IFT122: variants seen among roughly 807,000 people sequenced by gnomAD.
IFT122 encodes intraflagellar transport 122, also known as intraflagellar transport protein 122 homolog.
IFT122 carries 118 observed loss-of-function variants against 161.6 expected under a neutral mutation model. The ratio of observed to expected loss-of-function variants is 0.73; its 90% CI spans 0.63 to 0.85. The LOEUF (loss-of-function observed/expected upper bound fraction) is 0.85. IFT122 is among the 40% of genes least tolerant of loss of function. IFT122 has a pLI of 0.00. For missense variants in IFT122, 1,381 were observed against 1,579.6 expected (o/e 0.87, Z 2.13); for synonymous variants, 550 against 602.4 (o/e 0.91, Z 1.27).
chr3:129,517,416 C>T, intron 26 of IFT122, 53 bp from the exon 27 acceptor site: 6 of 1,607,672 alleles, frequency 3.7e-6, no homozygotes, highest in East Asian at 4.5e-5. Context: ...TGCCTGGCGG[C>T]AAGTCCTTTG....
Position 129,466,930 on chromosome 3 carries a change from G to C in IFT122, c.604G>C (p.Ala202Pro). ...SFWMNRENED[A>P]EDVIVNRYIQ... ...CTGGATGAACAGAGAGAATGAGGAT[G>C]CCGAGGATGTCATTGTCAACAGATA... The change falls in exon 8 of 30, where the codon GCC becomes CCC. Residue 202 changes from alanine (A) to proline (P), a missense_variant. Around this residue, in one of 7 missense-constraint regions of IFT122, gnomAD observed 544 missense variants for 648.0 expected, o/e 0.84. Transcript: ENST00000348417. 1 of 1,614,210 alleles carries C rather than the reference G, an allele frequency of 6.2e-7. No homozygotes were observed. The highest frequency in any genetic ancestry group is 8.5e-7 in the Non-Finnish European group (1 of 1,180,006).
intron 26 of IFT122, among the ~76,000 whole-genome samples, chr3:129,516,703 CACACACACACACACACACACACAG>C (rs2083785510): frequency 9.6e-6 from 1 of 103,926 alleles, no homozygotes; most frequent in Admixed American, 9.6e-5. Flanking sequence ...TGCACACACA[CACACACACACACACACACACACAG>C]AGAGACTGCC....
Position 129,476,405 on chromosome 3 carries a change from C to CA in IFT122, c.909dup (p.Val304SerfsTer65). The CA allele has an allele frequency of 6.2e-7, 1 of 1,614,110 alleles. No homozygotes were observed. The highest frequency in any genetic ancestry group is 1.1e-5 in the South Asian group (1 of 91,080). ...CATTTTGCTGGGGGGTTCAGACAAG[C>CA]AAGTATCTCTTTTCACCAAGGATGG... On this transcript the variant is annotated frameshift_variant, in exon 10 of 30. Coordinates refer to ENST00000348417, the MANE Select transcript of IFT122 (RefSeq NM_052989.3). LOFTEE classifies it high-confidence loss of function.
intron 16 of IFT122, 110 bp from the exon 17 acceptor site, chr3:129,492,031 C>T (rs2080176903): frequency 2.4e-6 from 2 of 833,714 alleles, no homozygotes; most frequent in Admixed American, 3.4e-5. Flanking sequence ...CTCCCTTCCT[C>T]TCCTCTGTGG....
intron 5 of IFT122, among the ~76,000 whole-genome samples, chr3:129,462,238 A>G (rs1195689830): frequency 6.6e-6 from 1 of 152,252 alleles, no homozygotes; most frequent in Non-Finnish European, 1.5e-5. Flanking sequence ...GGAATATTAA[A>G]AAGGCAAAAT....
intron 1 of IFT122, among the ~76,000 whole-genome samples, chr3:129,443,599 C>T (rs1045910080): frequency 3.9e-5 from 6 of 152,208 alleles, no homozygotes; most frequent in Admixed American, 6.5e-5. Flanking sequence ...ATGTCTAGGA[C>T]AGTGCCATGC....
chr3:129,440,567 A>C (rs2072864727), intron 1 of IFT122, among the ~76,000 whole-genome samples, 196 bp downstream of exon 1: 1 of 152,140 alleles, frequency 6.6e-6, no homozygotes, highest in African/African-American at 2.4e-5. Context: ...GAGAGCGGCA[A>C]AGGGAGGTGC....
In IFT122 at chr3:129,458,251, C is replaced by T. The variant is rs147759645; in HGVS notation, c.194-348C>T. ...TCTCTTTCATAGGATCCGTGTCTTA[C>T]CATGTTGTATTTGTGTTAGATTAAT... On this transcript the variant is annotated intron_variant, in intron 3 of 29. Transcript: ENST00000348417. 1.9e-3 allele frequency among the ~76,000 whole-genome samples: 285 copies of T among 152,230 alleles called. 1 individual carries two copies. The highest frequency in any genetic ancestry group is 6.4e-3 in the African/African-American group (267 of 41,522).
chr3:129,465,556 C>T (rs2076660129), intron 7 of IFT122, among the ~76,000 whole-genome samples: 1 of 151,024 alleles, frequency 6.6e-6, no homozygotes, highest in Non-Finnish European at 1.5e-5. Flanking sequence ...CTGCAACCTC[C>T]ACCTCTCGGG....
At chr3:129,446,993 G>C (rs1177889710) in intron 1 of IFT122, among the ~76,000 whole-genome samples, 3 of 152,156 alleles carry the variant, frequency 2.0e-5, no homozygotes, top group Admixed American at 6.5e-5. Flanking sequence ...GAAATCCTCT[G>C]CCTGGGGCAT....
intron 15 of IFT122, among the ~76,000 whole-genome samples, chr3:129,485,353 C>T (rs541469487): frequency 1.3e-5 from 2 of 152,276 alleles, no homozygotes; most frequent in East Asian, 1.9e-4. Flanking sequence ...TTGATGATAC[C>T]CTCGAAACTC....
chr3:129,467,128 C>T, intron 8 of IFT122, 62 bp downstream of exon 8: 5 of 1,504,630 alleles, frequency 3.3e-6, no homozygotes, highest in Admixed American at 1.7e-5. Context: ...CACAGACTTG[C>T]CAGGACAGAT....
rs1331649479 is a variant in IFT122 at position 129,512,337 on chromosome 3, C to T, written c.2912C>T (p.Pro971Leu). ...HTEDPFSVHR[P>L]ETLFNISRFL... ...GAAGATCCGTTCAGTGTCCATCGTC[C>T]TGAAACTCTTTTCAACATCTCCAGG... The change falls in exon 24 of 30, where the codon CCT becomes CTT. Residue 971 changes from proline to leucine, a missense_variant. Pro to Leu is a moderately conservative substitution (Grantham distance 98, BLOSUM62 -3). This residue lies in a region of IFT122 where 496 missense variants were observed against 502.5 expected (regional missense o/e 0.99). Transcript: ENST00000348417. 3 of 1,614,060 alleles carry T rather than the reference C, an allele frequency of 1.9e-6. No individual in the cohort carries two copies. The highest frequency in any genetic ancestry group is 3.3e-5 in the Admixed American group (2 of 60,028).
chr3:129,474,032 T>C (rs1397365845), intron 9 of IFT122, among the ~76,000 whole-genome samples: 1 of 152,222 alleles, frequency 6.6e-6, no homozygotes, highest in Non-Finnish European at 1.5e-5. Context: ...TCTTGTTAGG[T>C]TTTCTAGCAT....
chr3:129,491,914 C>G (rs2080152735), intron 16 of IFT122, among the ~76,000 whole-genome samples: 1 of 152,222 alleles, frequency 6.6e-6, no homozygotes, highest in Non-Finnish European at 1.5e-5. Context: ...ATGACTGATG[C>G]AACTGGGATG....
chr3:129,457,341 T>G (rs1019866577), intron 3 of IFT122, among the ~76,000 whole-genome samples: 11 of 152,224 alleles, frequency 7.2e-5, no homozygotes, highest in African/African-American at 2.4e-4. Context: ...CCCATTGCTT[T>G]AGGATAAAGA....
chr3:129,452,537 G>T (rs1376725074), intron 3 of IFT122, among the ~76,000 whole-genome samples: 1 of 152,086 alleles, frequency 6.6e-6, no homozygotes, highest in Non-Finnish European at 1.5e-5. Context: ...AGTGGGCATC[G>T]GGGGGAAGAG....
chr3:129,500,841 T>C (rs573317469), intron 19 of IFT122, among the ~76,000 whole-genome samples: 6 of 152,000 alleles, frequency 3.9e-5, no homozygotes, highest in Non-Finnish European at 7.4e-5. Flanking sequence ...GATTTGCCAA[T>C]AGTGAGTGAC....
In IFT122 at chr3:129,485,580, C is replaced by T. The variant is rs115840909; in HGVS notation, c.1851+1898C>T. 8.8e-3 allele frequency among the ~76,000 whole-genome samples: 1,347 copies of T among 152,374 alleles called. 14 individuals carry two copies. Among genetic ancestry groups the T allele is most frequent in the African/African-American group, 0.031 (1,281 of 41,590 alleles). ...CCTTGTCTGCCCCATTACAAACCCACGCACCACATCCACCAGGAACTCATC... is the reference window on the plus strand; with the variant it reads ...CCTTGTCTGCCCCATTACAAACCCATGCACCACATCCACCAGGAACTCATC... On this transcript the variant is annotated intron_variant, in intron 15 of 29. Coordinates refer to ENST00000348417, the MANE Select transcript of IFT122 (RefSeq NM_052989.3).
Sources: allele counts gnomAD v4.1 joint callset (sites outside exome capture counted in the v4.1 genomes callset), GRCh38; gene constraint gnomAD v4.1.1; regional missense constraint gnomAD v4.1.1; transcripts MANE v1.5; gene names NCBI Gene and HGNC (gene_info 2026-07-23, HGNC 2026-07-21).